DOCK1: variants seen among roughly 807,000 people sequenced by gnomAD.
DOCK1 encodes the protein dedicator of cytokinesis protein 1.
A neutral mutation model predicts 262.7 loss-of-function variants in DOCK1; 138 were observed. The ratio of observed to expected loss-of-function variants is 0.53; its 90% CI spans 0.46 to 0.61. The LOEUF (loss-of-function observed/expected upper bound fraction) is 0.61. Among genes scored for constraint, DOCK1 ranks in the 20% least tolerant of loss-of-function variants. The pLI is 0.00. For synonymous variants in DOCK1, 866 were observed against 867.4 expected, an observed-to-expected ratio of 1.00 and a Z score of 0.03; for missense variants, 1,908 against 2,370.7, an observed-to-expected ratio of 0.80 and a Z score of 4.05.
At chr10:127,160,543 G>A (rs1328703461) in intron 27 of DOCK1, among the ~76,000 whole-genome samples, 1 of 152,194 alleles carries the variant, frequency 6.6e-6, no homozygotes, top group Non-Finnish European at 1.5e-5. Flanking sequence ...TTAATTTTCA[G>A]CCAGTTCAGA....
At chr10:126,957,635 A>G (rs2036857954) in intron 1 of DOCK1, among the ~76,000 whole-genome samples, 1 of 152,076 alleles carries the variant, frequency 6.6e-6, no homozygotes, top group Non-Finnish European at 1.5e-5. Flanking sequence ...GGTGCCCACC[A>G]TCATGCCTAG....
At chr10:127,334,031 T>C (rs1311286256) in intron 29 of DOCK1, among the ~76,000 whole-genome samples, 1 of 152,246 alleles carries the variant, frequency 6.6e-6, no homozygotes, top group African/African-American at 2.4e-5. Context: ...TTTTTTGTTT[T>C]AACATTTTTA....
chr10:127,435,955 A>G (rs2069657845), intron 48 of DOCK1, among the ~76,000 whole-genome samples: 1 of 152,196 alleles, frequency 6.6e-6, no homozygotes, highest in Non-Finnish European at 1.5e-5. Context: ...ACGCATCAGG[A>G]TTTCACAACC....
Position 127,383,888 on chromosome 10 carries a change from T to C in DOCK1, c.3808-902T>C, listed in dbSNP as rs140503395. Among the ~76,000 whole-genome samples, 283 of 152,318 alleles carry C rather than the reference T, an allele frequency of 1.9e-3. 1 individual carries two copies. Among genetic ancestry groups the C allele is most frequent in the African/African-American group, 6.5e-3 (271 of 41,578 alleles). On this transcript the variant is annotated intron_variant, in intron 37 of 51. Transcript: ENST00000623213. ...CCCGTAGGTGCCCATGGAGTCTTTT[T>C]CACAGTGTTCTTTTTCTTGTTCTGT...
chr10:127,433,646 A>G (rs1239681480), intron 48 of DOCK1, among the ~76,000 whole-genome samples: 1 of 151,950 alleles, frequency 6.6e-6, no homozygotes, highest in African/African-American at 2.4e-5. Flanking sequence ...CTCTTTGGGT[A>G]CCACTTTGGG....
intron 27 of DOCK1, chr10:127,146,030 T>G (rs749267934): frequency 1.9e-5 from 10 of 518,500 alleles, no homozygotes; most frequent in South Asian, 1.4e-4. Flanking sequence ...CCATGGAATT[T>G]CATACGACCC....
In DOCK1 at chr10:127,433,378, T is replaced by C; in HGVS notation, c.5010T>C (p.Ser1670=). ...PSSSRPLSVA[S]VSSLSSDSTP... ...CATCCCGCCCTCTGTCTGTGGCCTC[T>C]GTCTCTTCCCTCTCATCGGACAGCA... is the stretch of plus-strand genomic sequence containing the variant. Residue 1670 remains serine, a synonymous_variant, in exon 48 of 52, where the codon TCT becomes TCC. Coordinates refer to ENST00000623213, the MANE Select transcript of DOCK1 (RefSeq NM_001290223.2). 6.2e-7 allele frequency: 1 copy of C among 1,614,028 alleles called. No homozygotes were observed. Among genetic ancestry groups the C allele is most frequent in the Non-Finnish European group, 8.5e-7 (1 of 1,179,908 alleles).
In DOCK1 at chr10:127,000,253, G is replaced by GACA. The variant is rs772538039; in HGVS notation, c.938_940dup (p.Asn313dup). 4 of 1,614,016 alleles carry GACA rather than the reference G, an allele frequency of 2.5e-6. No individual in the cohort carries two copies. The highest frequency in any genetic ancestry group is 3.3e-5 in the Admixed American group (2 of 60,028). ...TCGCGTGGGTCGCATGGAGCTGAGGGACAACAACACCAGGAAACTGACCTC... is the reference window on the plus strand; with the variant it reads ...TCGCGTGGGTCGCATGGAGCTGAGGGACAACAACAACACCAGGAAACTGACCTC... On this transcript the variant is annotated inframe_insertion, in exon 10 of 52. Transcript: ENST00000623213.
intron 23 of DOCK1, among the ~76,000 whole-genome samples, chr10:127,090,888 TC>T (rs1398573480): frequency 6.6e-6 from 1 of 152,172 alleles, no homozygotes; most frequent in African/African-American, 2.4e-5. Context: ...TCCATTTATC[TC>T]TGGATGCACA....
intron 38 of DOCK1, among the ~76,000 whole-genome samples, chr10:127,396,694 GTCTT>G (rs1408029750): frequency 6.9e-6 from 1 of 145,956 alleles, no homozygotes; most frequent in Non-Finnish European, 1.5e-5. Context: ...TCTTTTCAAG[GTCTT>G]TCTTTGCAAA....
At chr10:126,978,833 C>T (rs1275507364) in intron 3 of DOCK1, among the ~76,000 whole-genome samples, 1 of 152,124 alleles carries the variant, frequency 6.6e-6, no homozygotes, top group Non-Finnish European at 1.5e-5. Flanking sequence ...TGTAATAAGT[C>T]CTCCAAAGTC....
chr10:127,293,939 C>T (rs1041591861), intron 29 of DOCK1, among the ~76,000 whole-genome samples: 4 of 152,254 alleles, frequency 2.6e-5, no homozygotes, highest in Non-Finnish European at 4.4e-5. Context: ...CCTGAGAACC[C>T]GCCTAGTCAT....
chr10:127,028,304 C>CA (rs1385947681), intron 16 of DOCK1, among the ~76,000 whole-genome samples: 4 of 152,168 alleles, frequency 2.6e-5, no homozygotes, highest in African/African-American at 4.8e-5. Context: ...TAATGGTGCA[C>CA]AACATCCTTG....
At chr10:127,401,520 C>T (rs547478912) in intron 38 of DOCK1, among the ~76,000 whole-genome samples, 2 of 152,292 alleles carry the variant, frequency 1.3e-5, no homozygotes, top group South Asian at 4.1e-4. Flanking sequence ...CTTCCAGCGT[C>T]GTGCACCCCT....
At chr10:127,357,945 G>T (rs1424856851) in intron 32 of DOCK1, among the ~76,000 whole-genome samples, 3 of 151,910 alleles carry the variant, frequency 2.0e-5, no homozygotes, top group African/African-American at 7.3e-5. Flanking sequence ...CCAAATTTAT[G>T]ACAGCACATC....
intron 51 of DOCK1, 83 bp downstream of exon 51, chr10:127,447,628 G>T: frequency 1.3e-6 from 2 of 1,537,232 alleles, no homozygotes; most frequent in Non-Finnish European, 1.8e-6. Flanking sequence ...ATACTAGCAG[G>T]TTTACTTCGG....
At chr10:127,424,010 T>C (rs952441739) in intron 46 of DOCK1, among the ~76,000 whole-genome samples, 1 of 152,224 alleles carries the variant, frequency 6.6e-6, no homozygotes, top group African/African-American at 2.4e-5. Flanking sequence ...CCTGAGATTC[T>C]GATGCTTAGC....
intron 25 of DOCK1, among the ~76,000 whole-genome samples, chr10:127,119,154 C>T (rs919031830): frequency 1.3e-5 from 2 of 151,916 alleles, no homozygotes; most frequent in African/African-American, 4.8e-5. Flanking sequence ...CGCCATTCTT[C>T]TGCCTCAGCC....
Position 127,362,209 on chromosome 10 carries a change from A to G in DOCK1, c.3429A>G (p.Gln1143=), listed in dbSNP as rs767972960. The G allele has an allele frequency of 1.9e-6, 3 of 1,613,040 alleles. No homozygotes were observed. The highest frequency in any genetic ancestry group is 4.5e-5 in the East Asian group (2 of 44,860). The part of the protein sequence containing the change: ...QCEFHSTRSF[Q]MFENEIITKL... Reference sequence around the variant, plus strand: ...AATTCCATTCGACCCGAAGCTTCCAAATGGTAAGGACGTAGATGTGCAGCG... The same window carrying G: ...AATTCCATTCGACCCGAAGCTTCCAGATGGTAAGGACGTAGATGTGCAGCG... The change falls in exon 33 of 52, where the codon CAA becomes CAG. Residue 1143 remains glutamine (Q), a synonymous_variant. Transcript: ENST00000623213.
Sources: gnomAD v4.1 joint callset for allele counts (sites outside exome capture counted in the v4.1 genomes callset) on GRCh38, gnomAD v4.1.1 for gene constraint, MANE v1.5 for transcripts, NCBI Gene and HGNC (gene_info 2026-07-23, HGNC 2026-07-21) for gene names.